The following SACS variants were observed in gnomAD, a reference collection of about 807,000 sequenced individuals.
SACS encodes the protein sacsin.
In SACS, 197 loss-of-function variants were observed where a neutral mutation model predicts 348.0. The ratio of observed to expected loss-of-function variants is 0.57; its 90% CI spans 0.50 to 0.64. The LOEUF is 0.64. Among genes scored for constraint, SACS ranks in the 30% least tolerant of loss-of-function variants. The probability of loss-of-function intolerance (pLI) is 0.00; values close to 1 mark genes in which losing one functional copy is unlikely to be tolerated. For missense variants in SACS, 4,999 were observed against 5,360.8 expected (o/e 0.93, Z 2.11); for synonymous variants, 1,985 against 1,910.6 (o/e 1.04, Z -1.02).
intron 2 of SACS, among the ~76,000 whole-genome samples, chr13:23,393,398 T>C (rs896115558): frequency 1.3e-5 from 2 of 152,194 alleles, no homozygotes; most frequent in East Asian, 1.9e-4. Flanking sequence ...GCTCTGTTTC[T>C]GGGTTACTGG....
intron 2 of SACS, among the ~76,000 whole-genome samples, chr13:23,404,516 A>G (rs2137939057): frequency 6.6e-6 from 1 of 152,308 alleles, no homozygotes; most frequent in Admixed American, 6.5e-5. Context: ...CCGGCACAAG[A>G]CAAGGATGCT....
In SACS at chr13:23,416,702, A is replaced by G. The variant is rs201985143; in HGVS notation, c.-501-4962T>C. ...AGCCCGGGAGGCAGAGGTTGCAGTG[A>G]GCCAAGATCGCGCCATTGCACTCCA... On this transcript the variant is annotated intron_variant, in intron 1 of 9. Transcript: ENST00000382292. Among the ~76,000 whole-genome samples the G allele has an allele frequency of 7.2e-5, 11 of 151,888 alleles. No individual in the cohort carries two copies. The East Asian group carries it at 1.4e-3, about 19-fold the overall frequency.
intron 1 of SACS, among the ~76,000 whole-genome samples, chr13:23,418,410 T>C (rs1261275253): frequency 6.6e-6 from 1 of 152,252 alleles, no homozygotes; most frequent in Non-Finnish European, 1.5e-5. Context: ...AATTATATGC[T>C]TAACATTATA....
chr13:23,353,849 T>A lies in SACS; in HGVS notation c.2121A>T (p.Arg707Ser), dbSNP rs1439483067. 6.2e-7 allele frequency: 1 copy of A among 1,610,200 alleles called. No homozygotes were observed. The highest frequency in any genetic ancestry group is 1.7e-5 in the Admixed American group (1 of 60,006). The change falls in exon 9 of 10, where the codon AGA (arginine) becomes AGT (serine). Residue 707 changes from arginine to serine, a missense_variant. Arg to Ser is a moderately radical substitution (Grantham distance 110). Transcript: ENST00000382292. ...GAGGTTTCAAGTTATCCAAAATAAA[T>A]CTTCCTTCAAGACTTGGGAAAAGGG... is the stretch of plus-strand genomic sequence containing the variant. ...PRSLFPSLEG[R>S]FILDNLKPHL...
Position 23,331,512 on chromosome 13 carries a change from C to T in SACS, c.12364G>A (p.Ala4122Thr), listed in dbSNP as rs1308154812. 2 of 1,613,864 alleles carry T rather than the reference C, an allele frequency of 1.2e-6. No homozygotes were observed. The highest frequency in any genetic ancestry group is 1.6e-4 in the Middle Eastern group (1 of 6,062). Residue 4122 changes from alanine to threonine, a missense_variant, in exon 10 of 10, where the codon GCT becomes ACT. Around this residue, in one of 6 missense-constraint regions of SACS, gnomAD observed 831 missense variants for 941.8 expected, o/e 0.88. Transcript: ENST00000382292. Reference protein sequence around the residue: ...NLISDTSYLIAMLGCNDIYRI... With the variant: ...NLISDTSYLITMLGCNDIYRI... ...TAAATATCATTGCATCCTAGCATAGCAATTAAATATGAAGTGTCAGAAATC... is the reference window on the plus strand; with the variant it reads ...TAAATATCATTGCATCCTAGCATAGTAATTAAATATGAAGTGTCAGAAATC...
chr13:23,346,944 T>A, intron 9 of SACS: 1 of 259,704 alleles, frequency 3.9e-6, no homozygotes, highest in Non-Finnish European at 6.0e-6. Context: ...CTGTAGAATC[T>A]TTACAGATCC....
At chr13:23,351,946 A>G (rs1869985621) in intron 9 of SACS, among the ~76,000 whole-genome samples, 1 of 152,220 alleles carries the variant, frequency 6.6e-6, no homozygotes, top group African/African-American at 2.4e-5. Flanking sequence ...AAAAGTGGGA[A>G]AATGCAACTT....
At chr13:23,382,941 C>T (rs1208898164) in intron 2 of SACS, among the ~76,000 whole-genome samples, 26 of 147,330 alleles carry the variant, frequency 1.8e-4, no homozygotes, top group Non-Finnish European at 4.5e-5. Flanking sequence ...AGGCATGTAC[C>T]ACCATGCCCA....
Position 23,337,560 on chromosome 13 carries a change from G to A in SACS, c.6316C>T (p.Pro2106Ser), listed in dbSNP as rs1868753335. Residue 2106 changes from proline (P) to serine (S), a missense_variant, in exon 10 of 10, where the codon CCT (proline) becomes TCT (serine). Coordinates refer to ENST00000382292, the MANE Select transcript of SACS (RefSeq NM_014363.6). ...PCIPCSLEGH[P>S]LVLPSRLIHP... Reference sequence around the variant, plus strand: ...ATCAATCTTGATGGCAAAACCAAAGGATGCCCCTCCAAGGAACAAGGAATA... The same window carrying A: ...ATCAATCTTGATGGCAAAACCAAAGAATGCCCCTCCAAGGAACAAGGAATA... The A allele has an allele frequency of 1.2e-6, 2 of 1,613,736 alleles. No individual in the cohort carries two copies. The highest frequency in any genetic ancestry group is 2.7e-5 in the African/African-American group (2 of 74,868).
intron 2 of SACS, among the ~76,000 whole-genome samples, chr13:23,397,266 G>A (rs1872745575): frequency 6.6e-6 from 1 of 152,160 alleles, no homozygotes; most frequent in Non-Finnish European, 1.5e-5. Context: ...TTCATTAAGG[G>A]AAAAGAGAGT....
At chr13:23,395,060 A>G (rs1872659068) in intron 2 of SACS, among the ~76,000 whole-genome samples, 1 of 152,172 alleles carries the variant, frequency 6.6e-6, no homozygotes, top group South Asian at 2.1e-4. Flanking sequence ...ATACTGTAGA[A>G]GCTGGTTTAG....
chr13:23,330,340 A>G lies in SACS; in HGVS notation c.13536T>C (p.Tyr4512=), dbSNP rs1593118995. 12 of 1,614,056 alleles carry G rather than the reference A, an allele frequency of 7.4e-6. No homozygotes were observed. The highest frequency in any genetic ancestry group is 1.7e-5 in the Admixed American group (1 of 60,016). The part of the protein sequence containing the change: ...PTALAQKIEE[Y]SQQLEGLTND... ...TTGTCAGTCCTTCAAGTTGCTGACT[A>G]TATTCCTCTATTTTCTGAGCAAGTG... Residue 4512 remains tyrosine, a synonymous_variant, in exon 10 of 10, where the codon TAT becomes TAC. Coordinates refer to ENST00000382292, the MANE Select transcript of SACS (RefSeq NM_014363.6).
intron 5 of SACS, among the ~76,000 whole-genome samples, chr13:23,366,049 G>A (rs1593154073): frequency 6.6e-6 from 1 of 152,090 alleles, no homozygotes; most frequent in African/African-American, 2.4e-5. Context: ...GGGAGCTCCA[G>A]AATCTGAATC....
At position 23,336,409 on chromosome 13, in the gene SACS, G is replaced by A; in HGVS notation, c.7467C>T (p.Pro2489=). The change falls in exon 10 of 10, where the codon CCC becomes CCT. Residue 2489 remains proline, a synonymous_variant. Coordinates refer to ENST00000382292, the MANE Select transcript of SACS (RefSeq NM_014363.6). ...CTCCTAGTTTTACTGCTACTTCCCT[G>A]GGTATGTCAGCATGACAATATTTTA... ...TTVKYCHADI[P]REVAVKLGAV... is the part of the protein sequence containing the mutation. 6.2e-7 allele frequency: 1 copy of A among 1,614,042 alleles called. No individual in the cohort carries two copies. The highest frequency in any genetic ancestry group is 8.5e-7 in the Non-Finnish European group (1 of 1,179,936).
Position 23,337,745 on chromosome 13 carries a change from T to A in SACS, c.6131A>T (p.Gln2044Leu). The stretch of plus-strand genomic sequence containing the variant: ...TGAAAATGTGTTTTCAAGTAGTATC[T>A]GTTTGCAGCCAGCTTCTTCAAATCC... Reference protein sequence around the residue: ...KLGFEEAGCKQILLENTFSEK... With the variant: ...KLGFEEAGCKLILLENTFSEK... Residue 2044 changes from glutamine (Q) to leucine (L), a missense_variant, in exon 10 of 10, where the codon CAG (glutamine) becomes CTG (leucine). Physicochemically the swap from Gln to Leu is moderately radical, Grantham distance 113. This residue lies in a region of SACS where 3,156 missense variants were observed against 3,380.1 expected (regional missense o/e 0.93). Transcript: ENST00000382292. 6.2e-7 allele frequency: 1 copy of A among 1,613,948 alleles called. No individual in the cohort carries two copies. Among genetic ancestry groups the A allele is most frequent in the Non-Finnish European group, 8.5e-7 (1 of 1,179,968 alleles).
intron 2 of SACS, among the ~76,000 whole-genome samples, chr13:23,409,150 A>T (rs1291673791): frequency 8.0e-6 from 1 of 125,248 alleles, no homozygotes; most frequent in Non-Finnish European, 1.6e-5. Context: ...TCCGCCTCCC[A>T]GCTTCACACC....
Position 23,350,775 on chromosome 13 carries a change from G to A in SACS, c.2185+3010C>T, listed in dbSNP as rs145672966. 1.3e-3 allele frequency among the ~76,000 whole-genome samples: 201 copies of A among 152,222 alleles called. 2 individuals carry two copies. Among genetic ancestry groups the A allele is most frequent in the African/African-American group, 4.7e-3 (195 of 41,520 alleles). Reference sequence around the variant, plus strand: ...GGGGGCTCCATAAACATAATACTCCGCCTTTCTTCTCCTGTACTCACTAAT... The same window carrying A: ...GGGGGCTCCATAAACATAATACTCCACCTTTCTTCTCCTGTACTCACTAAT... On this transcript the variant is annotated intron_variant, in intron 9 of 9. Transcript: ENST00000382292.
At position 23,411,251 on chromosome 13, in the gene SACS, C is replaced by G. The variant is rs759068639; in HGVS notation, c.-12G>C. On this transcript the variant is annotated 5_prime_UTR_variant, in exon 2 of 10. Coordinates refer to ENST00000382292, the MANE Select transcript of SACS (RefSeq NM_014363.6). ...TCCTTGGTCTCCATGATCACTTCTC[C>G]TGGGATATTTGTTTGTGAAAACCAT... 15 of 1,606,274 alleles carry G rather than the reference C, an allele frequency of 9.3e-6. No individual in the cohort carries two copies. Among genetic ancestry groups the G allele is most frequent in the Non-Finnish European group, 1.3e-5 (15 of 1,172,960 alleles).
Position 23,341,403 on chromosome 13 carries a change from A to G in SACS, c.2473T>C (p.Leu825=). ...TCAGATTCATCGTCTAAAATGACTA[A>G]CGATGGAATCCTGAGTCTAATGAGT... The part of the protein sequence containing the change: ...VELIRLRIPS[L]VILDDESEAQ... The change falls in exon 10 of 10, where the codon TTA becomes CTA. Residue 825 remains leucine (L), a synonymous_variant. Coordinates refer to ENST00000382292, the MANE Select transcript of SACS (RefSeq NM_014363.6). 1 of 1,611,616 alleles carries G rather than the reference A, an allele frequency of 6.2e-7. No homozygotes were observed. Among genetic ancestry groups the G allele is most frequent in the African/African-American group, 1.3e-5 (1 of 74,938 alleles).
Sources: allele counts gnomAD v4.1 joint callset (sites outside exome capture counted in the v4.1 genomes callset), GRCh38; gene constraint gnomAD v4.1.1; regional missense constraint gnomAD v4.1.1; transcripts MANE v1.5; gene names NCBI Gene and HGNC (gene_info 2026-07-23, HGNC 2026-07-21).